Variants in STAG1 observed in about 807,000 individuals in gnomAD.
The protein encoded by STAG1 is STAG1 cohesin complex component, also known as cohesin subunit SA-1.
A neutral mutation model predicts 170.9 loss-of-function variants in STAG1; 26 were observed. That is an observed-to-expected ratio of 0.15 (90% CI 0.11 to 0.21). STAG1 has a LOEUF of 0.21. STAG1 is among the 10% of genes least tolerant of loss of function. The pLI is 1.00. For missense variants in STAG1, 964 were observed against 1,509.5 expected (o/e 0.64, Z 5.99); for synonymous variants, 514 against 497.7 (o/e 1.03, Z -0.44).
intron 14 of STAG1, among the ~76,000 whole-genome samples, chr3:136,451,079 A>G (rs2088924913): frequency 6.6e-6 from 1 of 152,006 alleles, no homozygotes; most frequent in Non-Finnish European, 1.5e-5. Flanking sequence ...TTTCTAAACG[A>G]AGAAGTTAAG....
intron 1 of STAG1, among the ~76,000 whole-genome samples, chr3:136,662,626 G>C (rs1387534489): frequency 1.3e-5 from 2 of 152,046 alleles, no homozygotes; most frequent in Non-Finnish European, 1.5e-5. Flanking sequence ...TTGATTCTTT[G>C]TAGAGATGGG....
chr3:136,553,728 C>A (rs573838561), intron 5 of STAG1, among the ~76,000 whole-genome samples: 1 of 152,224 alleles, frequency 6.6e-6, no homozygotes, highest in African/African-American at 2.4e-5. Flanking sequence ...GAGCCAAGAT[C>A]GCGCCACTGC....
chr3:136,628,474 TG>T (rs994321437), intron 2 of STAG1, among the ~76,000 whole-genome samples: 1 of 152,032 alleles, frequency 6.6e-6, no homozygotes, highest in African/African-American at 2.4e-5. Context: ...AAAAAAGGGG[TG>T]GGGGGAGGCT....
intron 21 of STAG1, among the ~76,000 whole-genome samples, chr3:136,401,518 T>C (rs1204297838): frequency 1.3e-5 from 2 of 152,170 alleles, no homozygotes; most frequent in Non-Finnish European, 1.5e-5. Context: ...TCTTCACATT[T>C]CTACCAACAC....
chr3:136,451,163 A>G (rs962701327), intron 14 of STAG1, among the ~76,000 whole-genome samples: 2 of 145,916 alleles, frequency 1.4e-5, no homozygotes, highest in African/African-American at 5.0e-5. Flanking sequence ...ACAGATTACA[A>G]TATATTAAAA....
intron 21 of STAG1, among the ~76,000 whole-genome samples, chr3:136,403,244 A>AAAAAAAAAG (rs2087385956): frequency 6.7e-6 from 1 of 149,402 alleles, no homozygotes; most frequent in Non-Finnish European, 1.5e-5. Context: ...AAAAAAAAAA[A>AAAAAAAAAG]AAAAAAAAAG....
chr3:136,710,754 C>A (rs1164763066), intron 1 of STAG1, among the ~76,000 whole-genome samples: 1 of 151,272 alleles, frequency 6.6e-6, no homozygotes, highest in Admixed American at 6.6e-5. Flanking sequence ...AGATTAAAAC[C>A]ATAAATGAAA....
intron 1 of STAG1, among the ~76,000 whole-genome samples, chr3:136,692,094 C>T (rs1331294815): frequency 6.6e-6 from 1 of 152,018 alleles, no homozygotes; most frequent in African/African-American, 2.4e-5. Flanking sequence ...GCAGGCAGAT[C>T]ACCTGAGGTC....
At chr3:136,670,769 G>T (rs1024233385) in intron 1 of STAG1, among the ~76,000 whole-genome samples, 11 of 151,924 alleles carry the variant, frequency 7.2e-5, no homozygotes, top group Admixed American at 7.2e-4. Flanking sequence ...ACCATGCCCG[G>T]ACTTGTTTTT....
Position 136,480,733 on chromosome 3 carries a change from T to C in STAG1, c.903-3321A>G, listed in dbSNP as rs896793829. 1.7e-4 allele frequency among the ~76,000 whole-genome samples: 11 copies of C among 66,638 alleles called. 3 individuals carry two copies. Among genetic ancestry groups the C allele is most frequent in the Non-Finnish European group, 2.4e-4 (7 of 29,318 alleles). The allele number at this position is 66,638 out of a possible 152,430, so 43.7% of individuals were successfully genotyped here. A position where few individuals can be genotyped will look rare whatever the true frequency, so the allele number is the denominator to read the frequency against. On this transcript the variant is annotated intron_variant, in intron 9 of 33. Coordinates refer to ENST00000383202, the MANE Select transcript of STAG1 (RefSeq NM_005862.3). ...TGAGCATGGAATGTTCTTCCATTTG[T>C]TTGTGTCGTCTGTTATTTCCTTGAG...
intron 7 of STAG1, among the ~76,000 whole-genome samples, chr3:136,503,820 C>G (rs912982328): frequency 2.0e-5 from 3 of 152,038 alleles, no homozygotes; most frequent in African/African-American, 7.3e-5. Flanking sequence ...ACTGCAACCT[C>G]CACCTCCCAG....
intron 1 of STAG1, among the ~76,000 whole-genome samples, chr3:136,693,663 G>A (rs755554100): frequency 2.0e-5 from 3 of 151,898 alleles, no homozygotes; most frequent in Admixed American, 6.6e-5. Context: ...TTGACCTCCC[G>A]GGCTCAACTA....
At chr3:136,741,851 T>C (rs2107951944) in intron 1 of STAG1, among the ~76,000 whole-genome samples, 1 of 152,146 alleles carries the variant, frequency 6.6e-6, no homozygotes, top group East Asian at 1.9e-4. Context: ...GGTAAATAGG[T>C]AGAAAAAGAT....
chr3:136,524,419 T>C (rs937772244), intron 6 of STAG1, among the ~76,000 whole-genome samples: 2 of 152,330 alleles, frequency 1.3e-5, no homozygotes, highest in South Asian at 2.1e-4. Flanking sequence ...TGTATAAGAA[T>C]GCTTGTGATT....
intron 1 of STAG1, among the ~76,000 whole-genome samples, chr3:136,640,907 T>G (rs982809111): frequency 6.6e-6 from 1 of 152,156 alleles, no homozygotes; most frequent in Non-Finnish European, 1.5e-5. Flanking sequence ...ACTCCTCACC[T>G]CAGGTGATCT....
intron 6 of STAG1, among the ~76,000 whole-genome samples, chr3:136,540,490 C>T (rs1004295637): frequency 6.6e-6 from 1 of 152,088 alleles, no homozygotes; most frequent in African/African-American, 2.4e-5. Flanking sequence ...ATTCCTTCAA[C>T]ATACCATAAT....
chr3:136,507,868 C>A (rs931971726), intron 7 of STAG1, among the ~76,000 whole-genome samples: 1 of 151,932 alleles, frequency 6.6e-6, no homozygotes, highest in Non-Finnish European at 1.5e-5. Flanking sequence ...ATGTGGTATT[C>A]CAGAAAACAA....
At chr3:136,507,299 G>A (rs1013465941) in intron 7 of STAG1, among the ~76,000 whole-genome samples, 19 of 152,128 alleles carry the variant, frequency 1.2e-4, no homozygotes, top group Non-Finnish European at 2.6e-4. Flanking sequence ...TTGTCTTCAA[G>A]GAAGTTAATT....
intron 5 of STAG1, among the ~76,000 whole-genome samples, chr3:136,563,120 G>T (rs967001218): frequency 1.3e-5 from 2 of 152,150 alleles, no homozygotes; most frequent in Admixed American, 1.3e-4. Context: ...TTGTTAAGGT[G>T]CTATCTATCA....
Sources: gnomAD v4.1 joint callset for allele counts (sites outside exome capture counted in the v4.1 genomes callset) on GRCh38, gnomAD v4.1.1 for gene constraint, MANE v1.5 for transcripts, NCBI Gene and HGNC (gene_info 2026-07-23, HGNC 2026-07-21) for gene names.